The following SLC25A20 variants were observed in gnomAD, a reference collection of about 807,000 sequenced individuals.
SLC25A20 encodes the protein solute carrier family 25 member 20, also known as mitochondrial carnitine/acylcarnitine carrier protein.
In SLC25A20, 29 loss-of-function variants were observed where a neutral mutation model predicts 39.7. The ratio of observed to expected loss-of-function variants is 0.73; its 90% CI spans 0.54 to 1.00. The LOEUF (loss-of-function observed/expected upper bound fraction) is 1.00. Among genes scored for constraint, SLC25A20 ranks in the 50% least tolerant of loss-of-function variants. SLC25A20 has a pLI of 0.00. For synonymous variants in SLC25A20, 103 were observed against 142.2 expected (o/e 0.72, Z 1.96); for missense variants, 333 against 379.9 (o/e 0.88, Z 1.03).
intron 8 of SLC25A20, 108 bp from the exon 9 acceptor site, chr3:48,857,880 C>G: frequency 1.1e-6 from 1 of 895,208 alleles, no homozygotes; most frequent in Non-Finnish European, 1.8e-6. Context: ...CCCTCCCTAA[C>G]CCCACACCCA....
At chr3:48,881,629 T>C (rs1575988364) in intron 3 of SLC25A20, among the ~76,000 whole-genome samples, 1 of 151,906 alleles carries the variant, frequency 6.6e-6, no homozygotes, top group East Asian at 1.9e-4. Context: ...GGGAGTGGGG[T>C]CCTGAGTGTC....
chr3:48,871,258 G>T (rs573409455), intron 4 of SLC25A20, among the ~76,000 whole-genome samples: 1 of 151,186 alleles, frequency 6.6e-6, no homozygotes, highest in South Asian at 2.1e-4. Context: ...ATCTCACCAA[G>T]ATTTTTCTAA....
At chr3:48,858,405 A>G (rs2083597087) in intron 8 of SLC25A20, 102 bp downstream of exon 8, 1 of 1,542,234 alleles carries the variant, frequency 6.5e-7, no homozygotes, top group Non-Finnish European at 8.9e-7. Context: ...GGGCTTTGGG[A>G]AAACTGAGAC....
intron 4 of SLC25A20, among the ~76,000 whole-genome samples, chr3:48,867,946 G>A (rs545580983): frequency 2.6e-4 from 40 of 151,828 alleles, no homozygotes; most frequent in African/African-American, 5.6e-4. Flanking sequence ...CTGTAATCCC[G>A]GCTACTCGGG....
intron 4 of SLC25A20, among the ~76,000 whole-genome samples, chr3:48,875,706 G>A (rs1221798685): frequency 6.6e-6 from 1 of 152,148 alleles, no homozygotes; most frequent in Non-Finnish European, 1.5e-5. Flanking sequence ...CACTGTGCCT[G>A]GCCAATGCTG....
chr3:48,898,766 G>A lies in SLC25A20; in HGVS notation c.29C>T (p.Pro10Leu), dbSNP rs376837831. The A allele has an allele frequency of 7.5e-6, 12 of 1,600,626 alleles. No individual in the cohort carries two copies. The highest frequency in any genetic ancestry group is 6.7e-5 in the African/African-American group (5 of 74,688). Residue 10 changes from proline to leucine, a missense_variant, in exon 1 of 9, where the codon CCG becomes CTG. Physicochemically the swap from Pro to Leu is moderately conservative, Grantham distance 98 (BLOSUM62 -3). Coordinates refer to ENST00000319017, the MANE Select transcript of SLC25A20 (RefSeq NM_000387.6). MADQPKPIS[P>L]LKNLLAGGFG... The stretch of plus-strand genomic sequence containing the variant: ...GCCGCCGGCCAGCAGGTTCTTGAGC[G>A]GGCTGATGGGTTTTGGCTGGTCGGC...
At chr3:48,860,040 T>C (rs1466905347) in intron 5 of SLC25A20, among the ~76,000 whole-genome samples, 2 of 152,188 alleles carry the variant, frequency 1.3e-5, no homozygotes, top group Non-Finnish European at 2.9e-5. Flanking sequence ...TAGTGGCTCA[T>C]GCCTTTAATC....
Position 48,859,619 on chromosome 3 carries a change from CTGGGACATCTGTTAGTGG to C in SLC25A20, c.536-10_543del, listed in dbSNP as rs1406020749. ...TATGTCATGAAATACATTCCACTAG[CTGGGACATCTGTTAGTGG>C]CAAGAAAAAGGTGAATTAAAGTACA... On this transcript the variant is annotated splice_acceptor_variant and splice_polypyrimidine_tract_variant and coding_sequence_variant and intron_variant, in exon 6 of 9. Coordinates refer to ENST00000319017, the MANE Select transcript of SLC25A20 (RefSeq NM_000387.6). LOFTEE classifies it high-confidence loss of function. 6.2e-7 allele frequency: 1 copy of C among 1,612,652 alleles called. No individual in the cohort carries two copies. Among genetic ancestry groups the C allele is most frequent in the Non-Finnish European group, 8.5e-7 (1 of 1,178,780 alleles).
chr3:48,859,240 TG>T (rs1220494277), intron 6 of SLC25A20, 39 bp from the exon 7 acceptor site: 1 of 1,564,716 alleles, frequency 6.4e-7, no homozygotes, highest in Admixed American at 1.7e-5. Flanking sequence ...AGACAAAGGC[TG>T]TGAGAGTGGC....
intron 4 of SLC25A20, among the ~76,000 whole-genome samples, chr3:48,878,137 T>C (rs2083774045): frequency 6.6e-6 from 1 of 151,490 alleles, no homozygotes; most frequent in Non-Finnish European, 1.5e-5. Context: ...GGCACATGCC[T>C]GTGGTCCCAG....
chr3:48,892,129 G>T, intron 1 of SLC25A20, 57 bp from the exon 2 acceptor site: 1 of 1,344,364 alleles, frequency 7.4e-7, no homozygotes, highest in Non-Finnish European at 1.1e-6. Flanking sequence ...CCTGTCAGCA[G>T]CAATGGCCCA....
chr3:48,883,906 G>A (rs2083812201), intron 3 of SLC25A20, 91 bp downstream of exon 3: 2 of 1,493,396 alleles, frequency 1.3e-6, no homozygotes, highest in East Asian at 2.4e-5. Flanking sequence ...TTACAGGTAT[G>A]AGCCACCGCG....
At chr3:48,894,992 T>A (rs1026485091) in intron 1 of SLC25A20, among the ~76,000 whole-genome samples, 1 of 150,512 alleles carries the variant, frequency 6.6e-6, no homozygotes, top group African/African-American at 2.5e-5. Context: ...TAATTTTGCA[T>A]TTGTATATTT....
At chr3:48,891,136 G>A (rs544477743) in intron 2 of SLC25A20, among the ~76,000 whole-genome samples, 3 of 151,846 alleles carry the variant, frequency 2.0e-5, no homozygotes, top group Admixed American at 2.0e-4. Flanking sequence ...AGCCCCGTAG[G>A]GCTGGACCCT....
At chr3:48,882,871 A>C (rs1007571475) in intron 3 of SLC25A20, among the ~76,000 whole-genome samples, 1 of 152,038 alleles carries the variant, frequency 6.6e-6, no homozygotes, top group African/African-American at 2.4e-5. Context: ...CCTGGGTGAC[A>C]AAGAAAGACC....
Position 48,859,539 on chromosome 3 carries a change from G to A in SLC25A20, c.608+16C>T. 1.9e-6 allele frequency: 3 copies of A among 1,610,190 alleles called. No homozygotes were observed. Among genetic ancestry groups the A allele is most frequent in the Non-Finnish European group, 2.6e-6 (3 of 1,176,410 alleles). On this transcript the variant is annotated intron_variant, in intron 6 of 8. Coordinates refer to ENST00000319017, the MANE Select transcript of SLC25A20 (RefSeq NM_000387.6). ...CATGACTGGGGAAAGTGGCTTCCAAGTTATGTTTTCCTCACCTCTTTCCCT... is the reference window on the plus strand; with the variant it reads ...CATGACTGGGGAAAGTGGCTTCCAAATTATGTTTTCCTCACCTCTTTCCCT...
At chr3:48,880,009 G>A (rs1439247691) in intron 3 of SLC25A20, among the ~76,000 whole-genome samples, 3 of 152,142 alleles carry the variant, frequency 2.0e-5, no homozygotes, top group Admixed American at 1.3e-4. Context: ...ACCTCTAAAG[G>A]CTAAGGGATA....
intron 4 of SLC25A20, among the ~76,000 whole-genome samples, chr3:48,866,211 G>A (rs190531584): frequency 6.8e-4 from 104 of 152,140 alleles, no homozygotes; most frequent in South Asian, 1.2e-3. Context: ...AGCCAGATTG[G>A]AGCAGGTTTA....
At chr3:48,890,651 C>CTTTTT (rs71077750) in intron 2 of SLC25A20, among the ~76,000 whole-genome samples, 4 of 78,126 alleles carry the variant, frequency 5.1e-5, no homozygotes, top group Non-Finnish European at 9.2e-5. Context: ...GCCCCCTTGT[C>CTTTTT]TTTTTTTTTT....
Sources: allele counts gnomAD v4.1 joint callset (sites outside exome capture counted in the v4.1 genomes callset), GRCh38; gene constraint gnomAD v4.1.1; transcripts MANE v1.5; gene names NCBI Gene and HGNC (gene_info 2026-07-23, HGNC 2026-07-21).